Variants in VTI1A observed in about 807,000 individuals in gnomAD.
VTI1A encodes vesicle transport through interaction with t-SNAREs 1A.
A neutral mutation model predicts 34.9 loss-of-function variants in VTI1A; 22 were observed. The observed-to-expected ratio is 0.63, with a 90% confidence interval of 0.45 to 0.90. The LOEUF is 0.90. VTI1A is among the 40% of genes least tolerant of loss of function. The pLI is 0.00. For missense variants in VTI1A, 268 were observed against 275.6 expected (o/e 0.97, Z 0.20); for synonymous variants, 87 against 97.3 (o/e 0.89, Z 0.62).
intron 7 of VTI1A, among the ~76,000 whole-genome samples, chr10:112,809,278 C>T (rs1590204984): frequency 6.6e-6 from 1 of 152,230 alleles, no homozygotes; most frequent in Admixed American, 6.5e-5. Flanking sequence ...AACTGTTTCT[C>T]CTACTCCTGT....
At chr10:112,519,397 C>G (rs1249881946) in intron 3 of VTI1A, among the ~76,000 whole-genome samples, 3 of 152,168 alleles carry the variant, frequency 2.0e-5, no homozygotes, top group African/African-American at 7.2e-5. Flanking sequence ...AGATCAGATG[C>G]TTTATTCTAT....
chr10:112,826,571 C>T, the VTI1A span: 1 of 152,206 alleles, frequency 6.6e-6, no homozygotes, highest in Admixed American at 6.5e-5. Context: ...TCCTCAGTAT[C>T]TGCACCCATC....
At chr10:112,589,080 G>C (rs1319500744) in intron 5 of VTI1A, among the ~76,000 whole-genome samples, 1 of 142,832 alleles carries the variant, frequency 7.0e-6, no homozygotes, top group Non-Finnish European at 1.5e-5. Flanking sequence ...ATGTTAGCTG[G>C]TAAAAGAACT....
intron 7 of VTI1A, chr10:112,736,913 G>A (rs1284450469): frequency 2.7e-5 from 18 of 669,260 alleles, no homozygotes; most frequent in Middle Eastern, 2.4e-4. Flanking sequence ...CGCAGTGCAT[G>A]AGTACTTGGC....
chr10:112,776,084 G>A (rs1851947863), intron 7 of VTI1A, among the ~76,000 whole-genome samples: 1 of 152,210 alleles, frequency 6.6e-6, no homozygotes, highest in Admixed American at 6.5e-5. Context: ...TCTATTGATT[G>A]TGGCCCCGAG....
At chr10:112,550,266 G>T (rs1851298401) in intron 5 of VTI1A, among the ~76,000 whole-genome samples, 1 of 151,462 alleles carries the variant, frequency 6.6e-6, no homozygotes, top group South Asian at 2.1e-4. Context: ...TTATGACCTT[G>T]TTGCACTGTA....
At chr10:112,577,622 CA>C (rs1431257140) in intron 5 of VTI1A, among the ~76,000 whole-genome samples, 11 of 152,072 alleles carry the variant, frequency 7.2e-5, no homozygotes, top group African/African-American at 2.7e-4. Flanking sequence ...AAGTTGTGTT[CA>C]ATAGCTTCTA....
At chr10:112,768,991 AG>A (rs1851725471) in intron 7 of VTI1A, among the ~76,000 whole-genome samples, 1 of 152,172 alleles carries the variant, frequency 6.6e-6, no homozygotes, top group South Asian at 2.1e-4. Flanking sequence ...TTTCAAAATA[AG>A]TTTTTTTGGT....
chr10:112,516,200 G>C (rs549709392), intron 3 of VTI1A, among the ~76,000 whole-genome samples: 1 of 152,146 alleles, frequency 6.6e-6, no homozygotes, highest in Non-Finnish European at 1.5e-5. Context: ...GACAAACAAA[G>C]AAGAAATATG....
At chr10:112,650,396 T>G (rs111734120) in intron 5 of VTI1A, among the ~76,000 whole-genome samples, 1 of 152,164 alleles carries the variant, frequency 6.6e-6, no homozygotes, top group South Asian at 2.1e-4. Context: ...TCATCTCCTA[T>G]GATAACAATG....
intron 3 of VTI1A, among the ~76,000 whole-genome samples, chr10:112,526,724 T>C (rs1211771642): frequency 1.3e-5 from 2 of 152,046 alleles, no homozygotes; most frequent in Non-Finnish European, 2.9e-5. Context: ...AAAAAACATA[T>C]ACTCCTGTCT....
chr10:112,803,268 A>G (rs1311920282), intron 7 of VTI1A, among the ~76,000 whole-genome samples: 1 of 152,134 alleles, frequency 6.6e-6, no homozygotes, highest in Non-Finnish European at 1.5e-5. Flanking sequence ...GGGTTTTACC[A>G]GGTTGGTCAG....
intron 7 of VTI1A, among the ~76,000 whole-genome samples, chr10:112,675,260 G>A (rs1482754959): frequency 6.6e-6 from 1 of 152,150 alleles, no homozygotes; most frequent in African/African-American, 2.4e-5. Flanking sequence ...AACTCTATAA[G>A]ATGGATACTG....
At chr10:112,499,493 A>G (rs928887775) in intron 3 of VTI1A, among the ~76,000 whole-genome samples, 1 of 152,160 alleles carries the variant, frequency 6.6e-6, no homozygotes, top group African/African-American at 2.4e-5. Flanking sequence ...ACCAATGTCT[A>G]TAGATTAACG....
intron 1 of VTI1A, among the ~76,000 whole-genome samples, chr10:112,452,468 T>G (rs918001324): frequency 4.0e-5 from 6 of 151,002 alleles, no homozygotes; most frequent in African/African-American, 1.2e-4. Context: ...CTCAGGAGGC[T>G]GAGGCAGGAG....
chr10:112,470,375 G>A (rs1038998971), intron 3 of VTI1A, among the ~76,000 whole-genome samples: 1 of 152,146 alleles, frequency 6.6e-6, no homozygotes, highest in Non-Finnish European at 1.5e-5. Context: ...GGGGCCACAC[G>A]CAAAGTAAGA....
At chr10:112,548,012 C>G (rs1281986814) in intron 5 of VTI1A, among the ~76,000 whole-genome samples, 5 of 152,016 alleles carry the variant, frequency 3.3e-5, no homozygotes, top group African/African-American at 1.2e-4. Flanking sequence ...ATGTTTAGAA[C>G]TTTTTAAAGA....
chr10:112,552,888 C>A (rs1289871510), intron 5 of VTI1A, among the ~76,000 whole-genome samples: 1 of 152,182 alleles, frequency 6.6e-6, no homozygotes, highest in African/African-American at 2.4e-5. Flanking sequence ...AGCAACAGTT[C>A]TTTCGTGCCC....
At chr10:112,688,223 G>T (rs919594059) in intron 7 of VTI1A, among the ~76,000 whole-genome samples, 1 of 151,690 alleles carries the variant, frequency 6.6e-6, no homozygotes, top group African/African-American at 2.4e-5. Flanking sequence ...CAAAGTGCTG[G>T]GATTATATGT....
Sources: gnomAD v4.1 joint callset for allele counts (sites outside exome capture counted in the v4.1 genomes callset) on GRCh38, gnomAD v4.1.1 for gene constraint, MANE v1.5 for transcripts, NCBI Gene and HGNC (gene_info 2026-07-23, HGNC 2026-07-21) for gene names.